The following ZC3H8 variants were observed in gnomAD, a reference collection of about 807,000 sequenced individuals.
ZC3H8 encodes zinc finger CCCH domain-containing protein 8.
ZC3H8 carries 27 observed loss-of-function variants against 42.5 expected under a neutral mutation model. The observed-to-expected ratio is 0.64, with a 90% confidence interval of 0.47 to 0.88. The LOEUF (loss-of-function observed/expected upper bound fraction) is 0.88. ZC3H8 is among the 40% of genes least tolerant of loss of function. ZC3H8 has a pLI of 0.00. For missense variants in ZC3H8, 277 were observed against 336.1 expected (o/e 0.82, Z 1.37); for synonymous variants, 101 against 110.1 (o/e 0.92, Z 0.52).
chr2:112,254,181 A>T, intron 1 of ZC3H8: 1 of 982,918 alleles, frequency 1.0e-6, no homozygotes, highest in Non-Finnish European at 1.2e-6. Flanking sequence ...AATCAATCAC[A>T]ACTGGAAATA....
At chr2:112,249,248 G>A (rs114789190) in intron 2 of ZC3H8, among the ~76,000 whole-genome samples, 2,497 of 152,140 alleles carry the variant, frequency 0.016, 69 homozygotes, top group African/African-American at 0.056. Flanking sequence ...AGAACACCAT[G>A]TGAATATGAA....
At chr2:112,218,106 C>T (rs950315178) in intron 8 of ZC3H8, among the ~76,000 whole-genome samples, 6 of 152,202 alleles carry the variant, frequency 3.9e-5, no homozygotes, top group Non-Finnish European at 8.8e-5. Context: ...ACTCATTCAG[C>T]TTGCAACTCA....
chr2:112,253,881 T>C (rs1222537162), intron 1 of ZC3H8: 2 of 152,738 alleles, frequency 1.3e-5, no homozygotes, highest in Admixed American at 6.5e-5. Context: ...CTTTCCAATA[T>C]TTATAGGGCT....
At chr2:112,239,491 A>C (rs1286273334) in intron 2 of ZC3H8, among the ~76,000 whole-genome samples, 1 of 152,140 alleles carries the variant, frequency 6.6e-6, no homozygotes, top group African/African-American at 2.4e-5. Flanking sequence ...CATGATAACT[A>C]AGAAGCAAAC....
rs1461406058 is a variant in ZC3H8, at chr2:112,236,547, C to T, written c.504+15G>A. ...TGCAGGGGTCAGGTATTCCTAGAAG[C>T]ATATATTCCAATACCTCTTCCTGTG... On this transcript the variant is annotated intron_variant, in intron 4 of 8. Transcript: ENST00000409573. 3 of 1,610,418 alleles carry T rather than the reference C, an allele frequency of 1.9e-6. No homozygotes were observed. In the African/African-American group the frequency reaches 4.0e-5, roughly 22 times the overall value.
intron 2 of ZC3H8, chr2:112,240,570 T>C (rs971763932): frequency 4.6e-5 from 7 of 152,212 alleles, no homozygotes; most frequent in African/African-American, 1.4e-4. Flanking sequence ...GCCTACAGTA[T>C]TGAAGCAGAC....
chr2:112,250,163 AC>A, intron 2 of ZC3H8, 27 bp downstream of exon 2: 1 of 1,514,816 alleles, frequency 6.6e-7, no homozygotes, highest in Non-Finnish European at 8.9e-7. Context: ...TGCGTTTTCA[AC>A]TTAAACAGTG....
At chr2:112,236,771 G>C in intron 3 of ZC3H8, 76 bp from the exon 4 acceptor site, 2 of 1,301,860 alleles carry the variant, frequency 1.5e-6, no homozygotes, top group Non-Finnish European at 2.1e-6. Flanking sequence ...ACGGGGCCAG[G>C]TGCAGTGGCT....
intron 8 of ZC3H8, among the ~76,000 whole-genome samples, chr2:112,216,832 G>A (rs1684347019): frequency 1.3e-5 from 2 of 151,712 alleles, no homozygotes; most frequent in South Asian, 4.2e-4. Context: ...GACAAAAGCA[G>A]AAAGAGAACA....
chr2:112,220,363 A>T (rs1004019331), intron 8 of ZC3H8, among the ~76,000 whole-genome samples: 3 of 152,170 alleles, frequency 2.0e-5, no homozygotes, highest in African/African-American at 7.2e-5. Flanking sequence ...AAATTCCCTT[A>T]GCCTTTGCTT....
At chr2:112,250,115 T>C (rs1451271503) in intron 2 of ZC3H8, 76 bp downstream of exon 2, 1 of 1,118,738 alleles carries the variant, frequency 8.9e-7, no homozygotes, top group African/African-American at 1.6e-5. Context: ...TGTTTTTTCT[T>C]TTTTTGTTGT....
intron 8 of ZC3H8, among the ~76,000 whole-genome samples, chr2:112,221,296 TAGTG>T (rs1558917365): frequency 2.6e-5 from 4 of 152,156 alleles, no homozygotes; most frequent in East Asian, 1.9e-4. Context: ...GTCCTAGTGA[TAGTG>T]AGTGAATGCT....
intron 7 of ZC3H8, 109 bp downstream of exon 7, chr2:112,231,729 T>C (rs1281990925): frequency 7.6e-6 from 4 of 523,210 alleles, no homozygotes; most frequent in South Asian, 4.2e-5. Flanking sequence ...ATATATCCCA[T>C]ATGCTAACCT....
At position 112,233,491 on chromosome 2, in the gene ZC3H8, T is replaced by C. The variant is rs1230929172; in HGVS notation, c.622-120A>G. The stretch of plus-strand genomic sequence containing the variant: ...CCAGAAAGAACCAAAGTCTTAGAGG[T>C]AGCACATTCTAACTGTTAATAAATT... On this transcript the variant is annotated intron_variant, in intron 5 of 8. Coordinates refer to ENST00000409573, the MANE Select transcript of ZC3H8 (RefSeq NM_032494.3). The C allele has an allele frequency of 1.3e-5, 9 of 669,080 alleles. No individual in the cohort carries two copies. The East Asian group carries it at 2.3e-4, about 17-fold the overall frequency. The allele number at this position is 669,080 out of a possible 1,614,324, so 41.4% of individuals were successfully genotyped here. A position where few individuals can be genotyped will look rare whatever the true frequency, so the allele number is the denominator to read the frequency against.
intron 4 of ZC3H8, 125 bp downstream of exon 4, chr2:112,236,437 G>A (rs529169843): frequency 2.4e-5 from 32 of 1,342,436 alleles, no homozygotes; most frequent in Non-Finnish European, 2.8e-5. Context: ...ATCTTCATCC[G>A]AAAACCGATT....
rs1251326300 is a variant in ZC3H8 at position 112,213,290 on chromosome 2, A to G, written c.*3194T>C. On this transcript the variant is annotated 3_prime_UTR_variant, in exon 9 of 9. Coordinates refer to ENST00000409573, the MANE Select transcript of ZC3H8 (RefSeq NM_032494.3). ...CGGCCTGAAGAAATCCTTGCACGTA[A>G]CCCCCCAGTGGTTATGCTTATAAGA... 6.6e-6 allele frequency: 1 copy of G among 151,654 alleles called. No homozygotes were observed. Among genetic ancestry groups the G allele is most frequent in the Non-Finnish European group, 1.5e-5 (1 of 67,924 alleles). 9.4% of individuals were successfully genotyped at this position (151,654 alleles called of 1,614,324 possible).
chr2:112,233,000 T>G (rs1376876127), intron 6 of ZC3H8, among the ~76,000 whole-genome samples: 1 of 152,234 alleles, frequency 6.6e-6, no homozygotes, highest in East Asian at 1.9e-4. Flanking sequence ...TAAGTCTTTC[T>G]GGGATTTGAA....
At chr2:112,250,040 G>C in intron 2 of ZC3H8, 151 bp downstream of exon 2, 1 of 485,410 alleles carries the variant, frequency 2.1e-6, no homozygotes. Context: ...AAGTAACTGG[G>C]TCCCAAATGC....
chr2:112,254,740 C>T (rs1444109839), intron 1 of ZC3H8, among the ~76,000 whole-genome samples, 168 bp downstream of exon 1: 3 of 152,244 alleles, frequency 2.0e-5, no homozygotes, highest in Non-Finnish European at 4.4e-5. Flanking sequence ...CCGGACCCCG[C>T]ACGACCTCTA....
Sources: allele counts gnomAD v4.1 joint callset (sites outside exome capture counted in the v4.1 genomes callset), GRCh38; gene constraint gnomAD v4.1.1; transcripts MANE v1.5; gene names NCBI Gene and HGNC (gene_info 2026-07-23, HGNC 2026-07-21).